RGS6: variants seen among roughly 807,000 people sequenced by gnomAD.
The protein encoded by RGS6 is regulator of G protein signaling 6.
Under a neutral mutation model 78.5 loss-of-function variants are expected in RGS6, and 30 were observed. That is an observed-to-expected ratio of 0.38 (90% CI 0.29 to 0.52). The LOEUF (loss-of-function observed/expected upper bound fraction) is 0.52, where lower values mean the gene tolerates loss of function less well. Among genes scored for constraint, RGS6 ranks in the 20% least tolerant of loss-of-function variants. The pLI is 0.85. For synonymous variants in RGS6, 206 were observed against 206.0 expected (o/e 1.00, Z 0.00); for missense variants, 495 against 609.7 (o/e 0.81, Z 1.98).
chr14:72,099,357 C>T (rs1271186044), intron 2 of RGS6, among the ~76,000 whole-genome samples: 1 of 152,110 alleles, frequency 6.6e-6, no homozygotes, highest in Non-Finnish European at 1.5e-5. Flanking sequence ...GACGGGGTTT[C>T]ACCGTGTTAG....
At chr14:72,200,704 G>T (rs2041299526) in intron 2 of RGS6, among the ~76,000 whole-genome samples, 1 of 152,074 alleles carries the variant, frequency 6.6e-6, no homozygotes, top group Non-Finnish European at 1.5e-5. Flanking sequence ...CACCTCAAAA[G>T]CCCCACAGTA....
intron 2 of RGS6, among the ~76,000 whole-genome samples, chr14:72,162,456 C>A (rs2096865810): frequency 6.6e-6 from 1 of 151,996 alleles, no homozygotes; most frequent in Non-Finnish European, 1.5e-5. Context: ...TGAGCTCTGA[C>A]AAGGATGATG....
At chr14:72,334,290 G>C (rs1250992071) in intron 2 of RGS6, among the ~76,000 whole-genome samples, 1 of 152,234 alleles carries the variant, frequency 6.6e-6, no homozygotes, top group East Asian at 1.9e-4. Flanking sequence ...CTGGCCCTGG[G>C]AGCTGGGCCA....
At chr14:72,344,110 A>G (rs898119492) in intron 2 of RGS6, among the ~76,000 whole-genome samples, 1 of 152,236 alleles carries the variant, frequency 6.6e-6, no homozygotes, top group Non-Finnish European at 1.5e-5. Flanking sequence ...CTCAGGGGAA[A>G]GACATTTTCC....
chr14:72,249,918 G>A (rs1012892286), intron 2 of RGS6, among the ~76,000 whole-genome samples: 1 of 151,964 alleles, frequency 6.6e-6, no homozygotes, highest in Non-Finnish European at 1.5e-5. Context: ...CCATAAAAAA[G>A]GATGAGTTCA....
intron 3 of RGS6, among the ~76,000 whole-genome samples, chr14:72,422,901 G>A (rs1442723056): frequency 6.6e-6 from 1 of 152,210 alleles, no homozygotes; most frequent in East Asian, 1.9e-4. Flanking sequence ...GCCAGGAGAG[G>A]GCATGGAGCG....
At chr14:71,960,640 C>T (rs980686265) in intron 1 of RGS6, among the ~76,000 whole-genome samples, 8 of 152,200 alleles carry the variant, frequency 5.3e-5, no homozygotes, top group South Asian at 2.1e-4. Context: ...AACAAAGTCC[C>T]GCAGATTCAG....
chr14:72,510,379 G>A (rs1598495627), intron 14 of RGS6, 100 bp downstream of exon 14: 2 of 1,472,354 alleles, frequency 1.4e-6, no homozygotes, highest in East Asian at 2.3e-5. Context: ...CGTTATCAGG[G>A]TTCAAATTCA....
intron 15 of RGS6, among the ~76,000 whole-genome samples, chr14:72,530,469 C>T (rs2097168580): frequency 6.6e-6 from 1 of 152,150 alleles, no homozygotes; most frequent in Non-Finnish European, 1.5e-5. Flanking sequence ...GGGTGAATCA[C>T]TTGAGGCCAG....
chr14:72,394,056 T>C (rs1174218152), intron 3 of RGS6, among the ~76,000 whole-genome samples: 1 of 152,158 alleles, frequency 6.6e-6, no homozygotes, highest in Admixed American at 6.5e-5. Flanking sequence ...CAAAGTCTTA[T>C]TCAACCTACA....
rs552045963 is a variant in RGS6 at position 72,075,050 on chromosome 14, G to T, written c.84+110175G>T. Among the ~76,000 whole-genome samples, 15 of 152,296 alleles carry T rather than the reference G, an allele frequency of 9.8e-5. No individual in the cohort carries two copies. The East Asian group carries it at 2.9e-3, about 29-fold the overall frequency. On this transcript the variant is annotated intron_variant, in intron 2 of 17. Coordinates refer to ENST00000553525, the MANE Select transcript of RGS6 (RefSeq NM_001204424.2). ...ATAATGTTTTGTTCAGGATTTTCTT[G>T]AGAAATCTGCCATGTTCTCTAAGCC...
chr14:72,038,747 T>C (rs1164889099), intron 2 of RGS6, among the ~76,000 whole-genome samples: 3 of 152,204 alleles, frequency 2.0e-5, no homozygotes, highest in Non-Finnish European at 2.9e-5. Flanking sequence ...TATGATCCAT[T>C]TTTTTACATG....
the RGS6 span, chr14:72,629,838 C>G: frequency 2.0e-6 from 2 of 989,882 alleles, no homozygotes; most frequent in South Asian, 2.8e-5. Context: ...GCAGGCAGGG[C>G]AGGGTAGCAT....
intron 2 of RGS6, among the ~76,000 whole-genome samples, chr14:72,230,281 A>G (rs1297749450): frequency 6.6e-6 from 1 of 152,232 alleles, no homozygotes; most frequent in Non-Finnish European, 1.5e-5. Context: ...CAGTGTTGAC[A>G]GAAGAAGGCA....
At chr14:72,297,364 A>G (rs1344147890) in intron 2 of RGS6, among the ~76,000 whole-genome samples, 2 of 151,386 alleles carry the variant, frequency 1.3e-5, no homozygotes, top group Non-Finnish European at 2.9e-5. Context: ...ACTTGAAAAG[A>G]ACCAACATCT....
intron 2 of RGS6, among the ~76,000 whole-genome samples, chr14:72,308,257 G>T (rs73304953): frequency 0.038 from 5,757 of 152,182 alleles, 331 homozygotes; most frequent in African/African-American, 0.13. Context: ...TGCTTCTGTA[G>T]TTCCCCTACC....
chr14:72,489,117 T>C (rs1400302554), intron 12 of RGS6, among the ~76,000 whole-genome samples: 1 of 150,516 alleles, frequency 6.6e-6, no homozygotes, highest in Non-Finnish European at 1.5e-5. Flanking sequence ...CTGAGATTAT[T>C]GGAATGGCCA....
intron 2 of RGS6, among the ~76,000 whole-genome samples, chr14:72,342,132 CA>C (rs2077124599): frequency 6.6e-6 from 1 of 152,114 alleles, no homozygotes; most frequent in Non-Finnish European, 1.5e-5. Context: ...GCTAGGTTGC[CA>C]CATGGTGTTC....
At chr14:72,071,603 G>A (rs764043214) in intron 2 of RGS6, among the ~76,000 whole-genome samples, 10 of 152,108 alleles carry the variant, frequency 6.6e-5, no homozygotes, top group Non-Finnish European at 1.2e-4. Flanking sequence ...TAGGTGGGTG[G>A]ACTTAATACT....
Sources: gnomAD v4.1 joint callset for allele counts (sites outside exome capture counted in the v4.1 genomes callset) on GRCh38, gnomAD v4.1.1 for gene constraint, MANE v1.5 for transcripts, NCBI Gene and HGNC (gene_info 2026-07-23, HGNC 2026-07-21) for gene names.